Variants in EXOC2 observed in about 807,000 individuals in gnomAD.
EXOC2 encodes exocyst complex component 2.
Under a neutral mutation model 131.8 loss-of-function variants are expected in EXOC2, and 70 were observed. That is an observed-to-expected ratio of 0.53 (90% CI 0.44 to 0.65). EXOC2 has a LOEUF of 0.65. Ranked by LOEUF, EXOC2 falls within the 30% of genes least tolerant of loss-of-function variation. EXOC2 has a pLI of 0.00. For synonymous variants in EXOC2, 411 were observed against 398.4 expected (o/e 1.03, Z -0.38); for missense variants, 923 against 1,108.6 (o/e 0.83, Z 2.38).
chr6:646,473 T>G (rs1367371170), intron 1 of EXOC2, among the ~76,000 whole-genome samples: 2 of 150,902 alleles, frequency 1.3e-5, no homozygotes, highest in Non-Finnish European at 3.0e-5. Flanking sequence ...AAGTTTTCTG[T>G]AAGTTTGAAG....
Position 610,317 on chromosome 6 carries a change from G to A in EXOC2, c.662-139C>T, listed in dbSNP as rs1467124944. On this transcript the variant is annotated intron_variant, in intron 6 of 27. Coordinates refer to ENST00000230449, the MANE Select transcript of EXOC2 (RefSeq NM_018303.6). ...AAAAGCAGCAAAAACATGCTACCCT[G>A]TACAAGGTACCCAGCAGACACCAGT... 1.4e-5 allele frequency: 10 copies of A among 691,788 alleles called. No homozygotes were observed. The South Asian group carries it at 1.6e-4, about 11-fold the overall frequency. 42.9% of individuals were successfully genotyped at this position (691,788 alleles called of 1,614,324 possible). A position where few individuals can be genotyped will look rare whatever the true frequency, so the allele number is the denominator to read the frequency against.
chr6:581,446 TA>T (rs1359410684), intron 11 of EXOC2, among the ~76,000 whole-genome samples: 1 of 152,244 alleles, frequency 6.6e-6, no homozygotes, highest in Non-Finnish European at 1.5e-5. Context: ...CATTTGGTTG[TA>T]ATCTCTCAAC....
At chr6:656,000 C>T in intron 1 of EXOC2, 7 of 772,642 alleles carry the variant, frequency 9.1e-6, no homozygotes, top group South Asian at 6.9e-5. Context: ...AAATATACGC[C>T]CTGCATAAGT....
At chr6:631,241 T>C (rs1761832225) in intron 3 of EXOC2, among the ~76,000 whole-genome samples, 1 of 152,164 alleles carries the variant, frequency 6.6e-6, no homozygotes, top group Non-Finnish European at 1.5e-5. Flanking sequence ...TTGAGTTCAG[T>C]TCAAGAAAGC....
intron 17 of EXOC2, 75 bp downstream of exon 17, chr6:562,709 C>T: frequency 3.1e-6 from 3 of 982,686 alleles, no homozygotes; most frequent in South Asian, 2.2e-5. Context: ...GGAGCACATG[C>T]TCCCTATTAA....
chr6:617,919 T>C, intron 5 of EXOC2, 84 bp from the exon 6 acceptor site: 1 of 1,485,504 alleles, frequency 6.7e-7, no homozygotes, highest in South Asian at 1.4e-5. Context: ...GAACACTAAA[T>C]ATGCTAAAAC....
At chr6:678,792 G>A (rs1436428015) in intron 1 of EXOC2, among the ~76,000 whole-genome samples, 1 of 152,156 alleles carries the variant, frequency 6.6e-6, no homozygotes, top group Non-Finnish European at 1.5e-5. Flanking sequence ...ATGGGCCGTA[G>A]TCAGGACAGC....
intron 1 of EXOC2, among the ~76,000 whole-genome samples, chr6:644,172 T>C (rs1292027617): frequency 6.6e-6 from 1 of 152,124 alleles, no homozygotes; most frequent in East Asian, 1.9e-4. Flanking sequence ...GTAGGGTTTA[T>C]TCCAACCAAG....
intron 23 of EXOC2, among the ~76,000 whole-genome samples, chr6:509,777 C>T (rs1561797776): frequency 6.6e-6 from 1 of 152,160 alleles, no homozygotes; most frequent in Non-Finnish European, 1.5e-5. Context: ...CCTTTAAACA[C>T]AGGCGGATTT....
At chr6:614,852 T>C (rs978511352) in intron 6 of EXOC2, among the ~76,000 whole-genome samples, 2 of 152,060 alleles carry the variant, frequency 1.3e-5, no homozygotes, top group Non-Finnish European at 2.9e-5. Context: ...AAAACTTAAA[T>C]ATATATTAAG....
At chr6:545,132 C>T (rs946198032) in intron 22 of EXOC2, among the ~76,000 whole-genome samples, 7 of 111,746 alleles carry the variant, frequency 6.3e-5, no homozygotes, top group African/African-American at 1.5e-4. Flanking sequence ...CCGGCCTGGG[C>T]GACAGAGCGA....
chr6:542,561 A>G (rs1366563792), intron 22 of EXOC2, among the ~76,000 whole-genome samples: 3 of 152,202 alleles, frequency 2.0e-5, no homozygotes, highest in African/African-American at 7.2e-5. Context: ...CTAGAAAAAT[A>G]CAGATGACTA....
chr6:692,782 G>C (rs1414503051), intron 1 of EXOC2, among the ~76,000 whole-genome samples: 1 of 152,176 alleles, frequency 6.6e-6, no homozygotes, highest in African/African-American at 2.4e-5. Context: ...GACCGCGGGG[G>C]TGCGAACTGG....
chr6:655,282 G>A (rs911388254), intron 1 of EXOC2, among the ~76,000 whole-genome samples: 9 of 152,248 alleles, frequency 5.9e-5, no homozygotes, highest in Admixed American at 5.2e-4. Flanking sequence ...TGAGGGCTCA[G>A]ATGAGCAGCA....
chr6:656,361 G>C (rs1489397668), intron 1 of EXOC2: 6 of 1,614,064 alleles, frequency 3.7e-6, no homozygotes, highest in Non-Finnish European at 4.2e-6. Context: ...CACCACCTCC[G>C]TCTCTATACT....
intron 1 of EXOC2, among the ~76,000 whole-genome samples, chr6:664,249 A>G (rs1408741535): frequency 6.6e-6 from 1 of 152,200 alleles, no homozygotes; most frequent in Non-Finnish European, 1.5e-5. Context: ...GGTCTTTCGG[A>G]GGACCTCTAC....
At chr6:582,864 AACTC>A (rs1349374409) in intron 11 of EXOC2, among the ~76,000 whole-genome samples, 4 of 152,186 alleles carry the variant, frequency 2.6e-5, no homozygotes. Flanking sequence ...AGCCCCTGTT[AACTC>A]ACTCACTCAG....
chr6:604,119 C>T (rs1760264466), intron 7 of EXOC2, among the ~76,000 whole-genome samples: 1 of 152,148 alleles, frequency 6.6e-6, no homozygotes, highest in Admixed American at 6.5e-5. Context: ...ATCATGGGGA[C>T]ATAGTGAGAG....
At chr6:665,387 G>A (rs1375532695) in intron 1 of EXOC2, among the ~76,000 whole-genome samples, 1 of 152,192 alleles carries the variant, frequency 6.6e-6, no homozygotes, top group Non-Finnish European at 1.5e-5. Flanking sequence ...ATTCCTTAAA[G>A]AACTAAAAGT....
Sources: allele counts gnomAD v4.1 joint callset (sites outside exome capture counted in the v4.1 genomes callset), GRCh38; gene constraint gnomAD v4.1.1; transcripts MANE v1.5; gene names NCBI Gene and HGNC (gene_info 2026-07-23, HGNC 2026-07-21).